Variants in DNMT3B observed in about 807,000 individuals in gnomAD.
The protein encoded by DNMT3B is DNA methyltransferase 3 beta.
Under a neutral mutation model 120.2 loss-of-function variants are expected in DNMT3B, and 37 were observed. The observed-to-expected ratio is 0.31, with a 90% confidence interval of 0.24 to 0.40. The LOEUF (loss-of-function observed/expected upper bound fraction) is 0.40. Ranked by LOEUF, DNMT3B falls within the 10% of genes least tolerant of loss-of-function variation. The probability of loss-of-function intolerance (pLI) is 1.00; values close to 1 mark genes in which losing one functional copy is unlikely to be tolerated. For synonymous variants in DNMT3B, 412 were observed against 442.8 expected, an observed-to-expected ratio of 0.93 and a Z score of 0.87; for missense variants, 878 against 1,137.3, an observed-to-expected ratio of 0.77 and a Z score of 3.28.
At position 32,807,749 on chromosome 20, in the gene DNMT3B, C is replaced by T. The variant is rs1028690769; in HGVS notation, c.2421-13C>T. ...ACTTCTGACTTGCTGTCTTTTCACT[C>T]CGGTACCCCCAGGATCTTTGGCTTT... On this transcript the variant is annotated splice_polypyrimidine_tract_variant and intron_variant, in intron 22 of 22. Coordinates refer to ENST00000328111, the MANE Select transcript of DNMT3B (RefSeq NM_006892.4). 1 of 1,613,942 alleles carries T rather than the reference C, an allele frequency of 6.2e-7. No individual in the cohort carries two copies. Among genetic ancestry groups the T allele is most frequent in the Non-Finnish European group, 8.5e-7 (1 of 1,180,024 alleles).
At chr20:32,789,432 G>T (rs756173802) in intron 7 of DNMT3B, among the ~76,000 whole-genome samples, 7 of 152,170 alleles carry the variant, frequency 4.6e-5, no homozygotes, top group Non-Finnish European at 7.3e-5. Context: ...GGGTCACCTG[G>T]TATCAGTTGT....
intron 20 of DNMT3B, 152 bp from the exon 21 acceptor site, chr20:32,805,186 T>C: frequency 9.9e-7 from 1 of 1,006,692 alleles, no homozygotes. Flanking sequence ...GCACACAGGC[T>C]TGTGCTCATG....
intron 9 of DNMT3B, 80 bp downstream of exon 9, chr20:32,792,850 C>T (rs963815086): frequency 6.3e-7 from 1 of 1,580,768 alleles, no homozygotes; most frequent in Non-Finnish European, 8.6e-7. Context: ...ACCCCTGCTG[C>T]CCCACACCCC....
intron 1 of DNMT3B, among the ~76,000 whole-genome samples, chr20:32,770,435 T>C (rs1271550031): frequency 5.9e-5 from 9 of 151,932 alleles, no homozygotes; most frequent in Non-Finnish European, 1.2e-4. Flanking sequence ...ATTACAGGCA[T>C]GTGCCACCAC....
In DNMT3B at chr20:32,784,879, G is replaced by A. The variant is rs758703068; in HGVS notation, c.306+20G>A. The A allele has an allele frequency of 1.6e-5, 26 of 1,613,224 alleles. No individual in the cohort carries two copies. The South Asian group carries it at 2.4e-4, about 15-fold the overall frequency. On this transcript the variant is annotated intron_variant, in intron 4 of 22. Coordinates refer to ENST00000328111, the MANE Select transcript of DNMT3B (RefSeq NM_006892.4). ...CCAGCTGTAAGTAGCCACACCTCGAGCCAAAGCACTTGTGGCCAACACTCT... is the reference window on the plus strand; with the variant it reads ...CCAGCTGTAAGTAGCCACACCTCGAACCAAAGCACTTGTGGCCAACACTCT...
intron 6 of DNMT3B, among the ~76,000 whole-genome samples, chr20:32,788,440 G>A (rs1979584989): frequency 6.6e-6 from 1 of 152,130 alleles, no homozygotes; most frequent in Non-Finnish European, 1.5e-5. Context: ...TTTATGTGTT[G>A]TTAGGATCCC....
intron 1 of DNMT3B, among the ~76,000 whole-genome samples, chr20:32,767,031 C>T (rs1446861322): frequency 3.9e-5 from 6 of 152,096 alleles, no homozygotes; most frequent in African/African-American, 9.7e-5. Flanking sequence ...CCTGGGACTA[C>T]GGGCGTGGTG....
chr20:32,806,154 A>G, intron 21 of DNMT3B, 55 bp from the exon 22 acceptor site: 10 of 1,543,196 alleles, frequency 6.5e-6, no homozygotes, highest in Non-Finnish European at 9.0e-6. Context: ...TTGAGCCTTG[A>G]CTCCCCAGGT....
rs140518698 is a variant in DNMT3B, at chr20:32,789,009, C to T, written c.810C>T (p.Ser270=). ...AGTGGTTTGGCGATGGCAAGTTCTC[C>T]GAGGTGAGTCCGGGGAAGGGCAAGG... is the stretch of plus-strand genomic sequence containing the variant. ...WVQWFGDGKF[S]EVSADKLVAL... Residue 270 remains serine, a synonymous_variant, in exon 7 of 23, where the codon TCC becomes TCT. Coordinates refer to ENST00000328111, the MANE Select transcript of DNMT3B (RefSeq NM_006892.4). The T allele has an allele frequency of 2.4e-5, 38 of 1,613,914 alleles. No individual in the cohort carries two copies. Among genetic ancestry groups the T allele is most frequent in the Middle Eastern group, 1.7e-4 (1 of 5,982 alleles).
chr20:32,792,835 C>T, intron 9 of DNMT3B, 65 bp downstream of exon 9: 2 of 1,606,770 alleles, frequency 1.2e-6, no homozygotes, highest in South Asian at 1.1e-5. Flanking sequence ...TTGGGAGAGT[C>T]AGCCACCCCT....
chr20:32,770,472 T>C (rs1987655463), intron 1 of DNMT3B, among the ~76,000 whole-genome samples: 1 of 135,054 alleles, frequency 7.4e-6, no homozygotes, highest in Admixed American at 7.1e-5. Context: ...TTGGTTTGTT[T>C]GTTGTTGTTG....
intron 9 of DNMT3B, among the ~76,000 whole-genome samples, 177 bp from the exon 10 acceptor site, chr20:32,793,359 C>T (rs572778050): frequency 2.0e-4 from 31 of 152,206 alleles, no homozygotes; most frequent in African/African-American, 2.7e-4. Flanking sequence ...CCCAGCTACC[C>T]GGGAGGCTGA....
At chr20:32,770,038 A>T (rs4911256) in intron 1 of DNMT3B, among the ~76,000 whole-genome samples, 2 of 151,976 alleles carry the variant, frequency 1.3e-5, no homozygotes, top group Admixed American at 6.6e-5. Flanking sequence ...ATGCTCCAGC[A>T]GTCCTCCCAC....
At chr20:32,776,734 T>C (rs1380402929) in intron 1 of DNMT3B, among the ~76,000 whole-genome samples, 2 of 152,074 alleles carry the variant, frequency 1.3e-5, no homozygotes, top group Non-Finnish European at 1.5e-5. Flanking sequence ...AAGATGACCT[T>C]ATTGGGGGGA....
intron 6 of DNMT3B, among the ~76,000 whole-genome samples, chr20:32,788,447 T>C (rs1453359661): frequency 6.6e-6 from 1 of 152,154 alleles, no homozygotes; most frequent in East Asian, 1.9e-4. Context: ...GTTGTTAGGA[T>C]CCCTTTTTTC....
Position 32,769,338 on chromosome 20 carries a change from C to T in DNMT3B, c.-7+6639C>T, listed in dbSNP as rs13433366. 5.3e-3 allele frequency among the ~76,000 whole-genome samples: 802 copies of T among 152,240 alleles called. 6 individuals are homozygous for T. The highest frequency in any genetic ancestry group is 0.018 in the African/African-American group (761 of 41,540). ...TCCTGACCTCGTGATCTGCCCGCCT[C>T]GGCCTCCCAAAGTACTGGGATTACA... On this transcript the variant is annotated intron_variant, in intron 1 of 22. Transcript: ENST00000328111.
rs973115622 is a variant in DNMT3B at position 32,780,259 on chromosome 20, A to G, written c.-6-59A>G. The G allele has an allele frequency of 6.8e-6, 11 of 1,613,372 alleles. No homozygotes were observed. The Admixed American group carries it at 1.5e-4, about 22-fold the overall frequency. ...AACACAGAGCCCATGGCGGGGGAACACTGTCCCTCTCATGTCCCTGCTTCC... is the reference window on the plus strand; with the variant it reads ...AACACAGAGCCCATGGCGGGGGAACGCTGTCCCTCTCATGTCCCTGCTTCC... On this transcript the variant is annotated intron_variant, in intron 1 of 22. Coordinates refer to ENST00000328111, the MANE Select transcript of DNMT3B (RefSeq NM_006892.4).
intron 12 of DNMT3B, among the ~76,000 whole-genome samples, chr20:32,796,302 C>T (rs1452389050): frequency 6.6e-6 from 1 of 152,152 alleles, no homozygotes; most frequent in Non-Finnish European, 1.5e-5. Context: ...TATAAAGGTC[C>T]TATCTACCCA....
chr20:32,769,461 T>C (rs1568819506), intron 1 of DNMT3B, among the ~76,000 whole-genome samples: 1 of 152,134 alleles, frequency 6.6e-6, no homozygotes, highest in South Asian at 2.1e-4. Context: ...ACACACAAGA[T>C]GCGCTGGGTT....
Sources: allele counts gnomAD v4.1 joint callset (sites outside exome capture counted in the v4.1 genomes callset), GRCh38; gene constraint gnomAD v4.1.1; transcripts MANE v1.5; gene names NCBI Gene and HGNC (gene_info 2026-07-23, HGNC 2026-07-21).